DHX57: variants seen among roughly 807,000 people sequenced by gnomAD.
DHX57 encodes putative ATP-dependent RNA helicase DHX57.
A neutral mutation model predicts 156.2 loss-of-function variants in DHX57; 105 were observed. The ratio of observed to expected loss-of-function variants is 0.67; its 90% confidence interval spans 0.57 to 0.79. The LOEUF is 0.79. Among genes scored for constraint, DHX57 ranks in the 30% least tolerant of loss-of-function variants. The pLI is 0.00. For missense variants in DHX57, 1,847 were observed against 1,661.9 expected (o/e 1.11, Z -1.94); for synonymous variants, 704 against 595.6 (o/e 1.18, Z -2.65).
At chr2:38,850,558 C>A (rs1413379424) in intron 9 of DHX57, among the ~76,000 whole-genome samples, 1 of 151,892 alleles carries the variant, frequency 6.6e-6, no homozygotes, top group Non-Finnish European at 1.5e-5. Flanking sequence ...ATCAGTAATC[C>A]CAGAATGGAA....
At chr2:38,855,350 A>C (rs1672844774) in intron 7 of DHX57, 98 bp from the exon 8 acceptor site, 2 of 1,302,794 alleles carry the variant, frequency 1.5e-6, no homozygotes, top group African/African-American at 2.9e-5. Flanking sequence ...AAAGCTAATT[A>C]GAATAAAAGT....
intron 2 of DHX57, among the ~76,000 whole-genome samples, chr2:38,867,617 G>A (rs973128751): frequency 5.3e-5 from 8 of 152,118 alleles, no homozygotes; most frequent in African/African-American, 1.9e-4. Context: ...GGAGTGCAGT[G>A]GTGTGATCTC....
At position 38,858,840 on chromosome 2, in the gene DHX57, G is replaced by C; in HGVS notation, c.1412-4C>G. 6.2e-7 allele frequency: 1 copy of C among 1,606,404 alleles called. No individual in the cohort carries two copies. Among genetic ancestry groups the C allele is most frequent in the Non-Finnish European group, 8.5e-7 (1 of 1,178,182 alleles). On this transcript the variant is annotated splice_polypyrimidine_tract_variant and splice_region_variant and intron_variant, in intron 5 of 23. Coordinates refer to ENST00000457308, the MANE Select transcript of DHX57 (RefSeq NM_198963.3). The stretch of plus-strand genomic sequence containing the variant: ...TCAGATTCTGATGCTTTTTCAACTT[G>C]AAGGAAATAAAAGAAAACATTTCAG...
At chr2:38,875,530 C>T (rs992040878) in intron 1 of DHX57, among the ~76,000 whole-genome samples, 1 of 152,144 alleles carries the variant, frequency 6.6e-6, no homozygotes, top group Admixed American at 6.6e-5. Flanking sequence ...ACGCCCCGCC[C>T]CCCCCGGCCC....
intron 2 of DHX57, among the ~76,000 whole-genome samples, chr2:38,865,389 C>T (rs1338961704): frequency 6.6e-6 from 1 of 152,146 alleles, no homozygotes; most frequent in Non-Finnish European, 1.5e-5. Flanking sequence ...TCTTCTTTCT[C>T]CTGCCACCTT....
At chr2:38,810,560 C>G (rs972437028) in intron 21 of DHX57, 14 of 578,452 alleles carry the variant, frequency 2.4e-5, no homozygotes, top group Admixed American at 8.0e-5. Context: ...CTCACCTGCT[C>G]TCCACTGTAG....
At chr2:38,868,843 T>C (rs1158036547) in intron 1 of DHX57, among the ~76,000 whole-genome samples, 1 of 152,082 alleles carries the variant, frequency 6.6e-6, no homozygotes, top group Non-Finnish European at 1.5e-5. Flanking sequence ...GATGGAGTCT[T>C]GCTCTGTCGC....
chr2:38,819,154 A>G lies in DHX57; in HGVS notation c.3292-10T>C, dbSNP rs1558364727. 1.2e-6 allele frequency: 2 copies of G among 1,610,220 alleles called. No individual in the cohort carries two copies. Among genetic ancestry groups the G allele is most frequent in the Middle Eastern group, 1.8e-4 (1 of 5,576 alleles). On this transcript the variant is annotated splice_polypyrimidine_tract_variant and intron_variant, in intron 17 of 23. Coordinates refer to ENST00000457308, the MANE Select transcript of DHX57 (RefSeq NM_198963.3). ...TATCCCAGGGAGATACCTAAAGGAGAGAGGAAAATCAGATTTAAAGAACAC... is the reference window on the plus strand; with the variant it reads ...TATCCCAGGGAGATACCTAAAGGAGGGAGGAAAATCAGATTTAAAGAACAC...
At chr2:38,808,106 C>T (rs937419948) in intron 21 of DHX57, among the ~76,000 whole-genome samples, 6 of 151,234 alleles carry the variant, frequency 4.0e-5, no homozygotes, top group African/African-American at 1.5e-4. Flanking sequence ...AGGTGCACGC[C>T]ACCACACTCA....
intron 1 of DHX57, among the ~76,000 whole-genome samples, chr2:38,871,882 G>T (rs1173000324): frequency 1.3e-5 from 2 of 151,978 alleles, no homozygotes; most frequent in East Asian, 3.9e-4. Context: ...TTGTTTTTTT[G>T]TATTTTTAGT....
Position 38,855,159 on chromosome 2 carries a change from G to A in DHX57, c.1803C>T (p.Pro601=). 6.2e-7 allele frequency: 1 copy of A among 1,614,050 alleles called. No homozygotes were observed. The highest frequency in any genetic ancestry group is 8.5e-7 in the Non-Finnish European group (1 of 1,180,016). The change falls in exon 8 of 24, where the codon CCC becomes CCT. Residue 601 remains proline (P), a synonymous_variant. Coordinates refer to ENST00000457308, the MANE Select transcript of DHX57 (RefSeq NM_198963.3). ...CAACAGAGATTGCAGAGATTCGTCGGGGTTGGGTACAGATGATGTTGGCTA... is the reference window on the plus strand; with the variant it reads ...CAACAGAGATTGCAGAGATTCGTCGAGGTTGGGTACAGATGATGTTGGCTA... The part of the protein sequence containing the change: ...EKVANIICTQ[P]RRISAISVAE...
chr2:38,857,203 A>G (rs1672945667), intron 6 of DHX57: 1 of 153,480 alleles, frequency 6.5e-6, no homozygotes, highest in South Asian at 2.0e-4. Context: ...ATTAATTAAT[A>G]TAAACAGCCA....
intron 21 of DHX57, chr2:38,811,267 G>T: frequency 1.9e-6 from 1 of 517,384 alleles, no homozygotes; most frequent in Non-Finnish European, 3.8e-6. Flanking sequence ...TAATCTGGGG[G>T]GCCAGCGAGT....
chr2:38,836,370 G>A, intron 13 of DHX57, among the ~76,000 whole-genome samples: 1 of 151,952 alleles, frequency 6.6e-6, no homozygotes, highest in Admixed American at 6.6e-5. Context: ...CAACAAAGAT[G>A]AAGACCTTTA....
At chr2:38,808,944 G>C (rs1273176647) in intron 21 of DHX57, among the ~76,000 whole-genome samples, 2 of 151,956 alleles carry the variant, frequency 1.3e-5, no homozygotes, top group Non-Finnish European at 2.9e-5. Flanking sequence ...TTCAGGGATA[G>C]GGTCTCTCTG....
At chr2:38,863,189 C>T (rs1673326829) in intron 3 of DHX57, 172 bp downstream of exon 3, 2 of 698,010 alleles carry the variant, frequency 2.9e-6, no homozygotes, top group South Asian at 2.5e-5. Context: ...AACAAACTCA[C>T]TCTAAAATTG....
At chr2:38,862,598 T>A in intron 3 of DHX57, 1 of 149,102 alleles carries the variant, frequency 6.7e-6, no homozygotes, top group Non-Finnish European at 1.4e-5. Context: ...TGGAATGTCC[T>A]TTTTTTTTTT....
intron 23 of DHX57, among the ~76,000 whole-genome samples, chr2:38,799,593 A>C (rs1288697277): frequency 6.7e-6 from 1 of 150,196 alleles, no homozygotes; most frequent in Non-Finnish European, 1.5e-5. Flanking sequence ...TCTACTAAAA[A>C]TACAAAATTA....
intron 6 of DHX57, chr2:38,856,738 G>A (rs1370087660): frequency 4.4e-6 from 1 of 226,664 alleles, no homozygotes; most frequent in Non-Finnish European, 8.6e-6. Flanking sequence ...CTGTGCTCAA[G>A]AATCCACCTG....
Sources: gnomAD v4.1 joint callset for allele counts (sites outside exome capture counted in the v4.1 genomes callset) on GRCh38, gnomAD v4.1.1 for gene constraint, MANE v1.5 for transcripts, NCBI Gene and HGNC (gene_info 2026-07-23, HGNC 2026-07-21) for gene names.